CTIF: variants seen among roughly 807,000 people sequenced by gnomAD.
CTIF encodes cap binding complex dependent translation initiation factor, also known as CBP80/20-dependent translation initiation factor.
A neutral mutation model predicts 66.0 loss-of-function variants in CTIF; 21 were observed. The ratio of observed to expected loss-of-function variants is 0.32; its 90% CI spans 0.23 to 0.46. CTIF has a LOEUF of 0.46. Among genes scored for constraint, CTIF ranks in the 20% least tolerant of loss-of-function variants. The pLI, the probability that CTIF is intolerant of heterozygous loss-of-function variation, is 1.00. For missense variants in CTIF, 739 were observed against 812.7 expected, an observed-to-expected ratio of 0.91 and a Z score of 1.10; for synonymous variants, 345 against 326.4, an observed-to-expected ratio of 1.06 and a Z score of -0.62.
At chr18:48,839,740 T>C (rs1372795735) in intron 10 of CTIF, among the ~76,000 whole-genome samples, 1 of 152,222 alleles carries the variant, frequency 6.6e-6, no homozygotes, top group Non-Finnish European at 1.5e-5. Flanking sequence ...CCAGGATCTG[T>C]GCCTCCTTGT....
chr18:48,568,144 T>G (rs2089319602), intron 1 of CTIF: 3 of 151,110 alleles, frequency 2.0e-5, no homozygotes, highest in African/African-American at 4.9e-5. Flanking sequence ...AAAAGTAAAG[T>G]GTAAATTCAA....
chr18:48,832,117 G>A (rs964009003), intron 10 of CTIF, among the ~76,000 whole-genome samples: 2 of 151,788 alleles, frequency 1.3e-5, no homozygotes, highest in Non-Finnish European at 2.9e-5. Flanking sequence ...GCCAGTGTGC[G>A]TGTGGGGGCT....
chr18:48,631,627 T>C (rs1204058660), intron 2 of CTIF, among the ~76,000 whole-genome samples: 1 of 152,270 alleles, frequency 6.6e-6, no homozygotes, highest in Non-Finnish European at 1.5e-5. Context: ...TGTACTCTCA[T>C]GTTTATTAAG....
intron 9 of CTIF, among the ~76,000 whole-genome samples, chr18:48,799,568 C>T (rs2068005219): frequency 6.6e-6 from 1 of 152,072 alleles, no homozygotes; most frequent in Non-Finnish European, 1.5e-5. Flanking sequence ...ACTTCCCATC[C>T]TAGATGCCAC....
At chr18:48,589,361 C>T (rs535202554) in intron 1 of CTIF, among the ~76,000 whole-genome samples, 1 of 152,290 alleles carries the variant, frequency 6.6e-6, no homozygotes, top group East Asian at 1.9e-4. Context: ...TATGCCGGTC[C>T]CCTGCCTGCC....
chr18:48,798,371 C>T (rs571748579), intron 9 of CTIF, among the ~76,000 whole-genome samples: 6 of 152,286 alleles, frequency 3.9e-5, no homozygotes, highest in African/African-American at 1.4e-4. Flanking sequence ...TTTATTTAAC[C>T]CTCTTCGGTT....
chr18:48,703,538 A>G (rs2092111997), intron 6 of CTIF, among the ~76,000 whole-genome samples: 1 of 152,170 alleles, frequency 6.6e-6, no homozygotes, highest in African/African-American at 2.4e-5. Flanking sequence ...GCTGTATGGG[A>G]GAGAGAGAGA....
At chr18:48,797,500 G>GTT (rs1316749650) in intron 9 of CTIF, among the ~76,000 whole-genome samples, 21 of 149,462 alleles carry the variant, frequency 1.4e-4, no homozygotes, top group African/African-American at 5.2e-4. Context: ...AAAGGGGTGG[G>GTT]GGGGCAAGTT....
rs75715229 is a variant in CTIF at position 48,561,734 on chromosome 18, T to C, written c.-29+22422T>C. On this transcript the variant is annotated intron_variant, in intron 1 of 11. Transcript: ENST00000256413. ...GAATGAACTGTTGACTACTTCTCTT[T>C]TCCTTCCTGGGGCACTTGATTTTAG... 3.3e-5 allele frequency among the ~76,000 whole-genome samples: 5 copies of C among 152,322 alleles called. No individual in the cohort carries two copies. The East Asian group carries it at 9.6e-4, about 29-fold the overall frequency.
intron 10 of CTIF, among the ~76,000 whole-genome samples, chr18:48,829,213 C>CT (rs1350613249): frequency 1.3e-5 from 2 of 152,082 alleles, no homozygotes; most frequent in African/African-American, 4.8e-5. Flanking sequence ...TTTTTAAATC[C>CT]TTTGGGGTAA....
At chr18:48,794,480 G>A (rs2067865818) in intron 9 of CTIF, among the ~76,000 whole-genome samples, 1 of 152,210 alleles carries the variant, frequency 6.6e-6, no homozygotes, top group Admixed American at 6.5e-5. Flanking sequence ...GGGGCCGGGG[G>A]AGGGGTTGCT....
At chr18:48,718,621 C>T (rs975704001) in intron 7 of CTIF, among the ~76,000 whole-genome samples, 1 of 152,022 alleles carries the variant, frequency 6.6e-6, no homozygotes. Flanking sequence ...CTGTTTGGGC[C>T]CTTGGCGGAT....
chr18:48,642,742 C>T (rs2090957501), intron 3 of CTIF, among the ~76,000 whole-genome samples: 1 of 152,174 alleles, frequency 6.6e-6, no homozygotes, highest in Non-Finnish European at 1.5e-5. Flanking sequence ...ATCTCAGTAA[C>T]ATTAACATTA....
At chr18:48,736,780 G>A (rs964582994) in intron 7 of CTIF, among the ~76,000 whole-genome samples, 10 of 152,260 alleles carry the variant, frequency 6.6e-5, no homozygotes, top group African/African-American at 1.4e-4. Flanking sequence ...ACATTGGCCC[G>A]GCCTCAGGCG....
At chr18:48,735,017 T>C (rs1015315472) in intron 7 of CTIF, among the ~76,000 whole-genome samples, 8 of 152,226 alleles carry the variant, frequency 5.3e-5, no homozygotes, top group African/African-American at 9.6e-5. Flanking sequence ...GCATATTGCA[T>C]GTGTGCAATA....
At chr18:48,616,529 A>C (rs577380130) in intron 1 of CTIF, among the ~76,000 whole-genome samples, 1 of 152,238 alleles carries the variant, frequency 6.6e-6, no homozygotes, top group African/African-American at 2.4e-5. Context: ...ATAGTCGTGC[A>C]GACCTGGAAC....
chr18:48,706,295 T>G (rs1316768840), intron 6 of CTIF, among the ~76,000 whole-genome samples: 1 of 152,202 alleles, frequency 6.6e-6, no homozygotes, highest in Non-Finnish European at 1.5e-5. Flanking sequence ...CCACAGTGCC[T>G]GAAACAACAA....
Position 48,594,771 on chromosome 18 carries a change from C to T in CTIF, c.-28-24767C>T, listed in dbSNP as rs147994727. Among the ~76,000 whole-genome samples, 150 of 152,324 alleles carry T rather than the reference C, an allele frequency of 9.8e-4. 5 individuals carry two copies. In the East Asian group the frequency reaches 0.024, roughly 24 times the overall value. ...CCACAGGAGTTTATTTTTGATAGAT[C>T]GAGAAGACTAGAACTATCCAAGGAA... On this transcript the variant is annotated intron_variant, in intron 1 of 11. Coordinates refer to ENST00000256413, the MANE Select transcript of CTIF (RefSeq NM_014772.3).
chr18:48,719,283 A>T (rs1160356691), intron 7 of CTIF, among the ~76,000 whole-genome samples: 3 of 151,968 alleles, frequency 2.0e-5, no homozygotes, highest in African/African-American at 7.3e-5. Context: ...GCCTCTCGAC[A>T]TCCCTCTCTT....
Sources: gnomAD v4.1 joint callset for allele counts (sites outside exome capture counted in the v4.1 genomes callset) on GRCh38, gnomAD v4.1.1 for gene constraint, MANE v1.5 for transcripts, NCBI Gene and HGNC (gene_info 2026-07-23, HGNC 2026-07-21) for gene names.